Variants in NEK9 observed in about 807,000 individuals in gnomAD.
The protein encoded by NEK9 is serine/threonine-protein kinase Nek9.
In NEK9, 75 loss-of-function variants were observed where a neutral mutation model predicts 123.4. The ratio of observed to expected loss-of-function variants is 0.61; its 90% CI spans 0.50 to 0.74. The LOEUF is 0.74. NEK9 is among the 30% of genes least tolerant of loss of function. NEK9 has a pLI of 0.00. For synonymous variants in NEK9, 438 were observed against 458.7 expected, an observed-to-expected ratio of 0.95 and a Z score of 0.58; for missense variants, 952 against 1,214.4, an observed-to-expected ratio of 0.78 and a Z score of 3.21.
intron 19 of NEK9, among the ~76,000 whole-genome samples, chr14:75,088,887 C>T (rs10142683): frequency 0.027 from 4,145 of 152,186 alleles, 217 homozygotes; most frequent in African/African-American, 0.095. Context: ...CACTCCAACA[C>T]GCTTATTCTA....
chr14:75,099,627 C>T (rs1894497646), intron 16 of NEK9, among the ~76,000 whole-genome samples: 1 of 149,684 alleles, frequency 6.7e-6, no homozygotes, highest in South Asian at 2.1e-4. Flanking sequence ...ACTAAAAATA[C>T]AAAAATTAGC....
rs1894786758 is a variant in NEK9, at chr14:75,106,632, A to G, written c.1398T>C (p.Pro466=). 1.2e-6 allele frequency: 2 copies of G among 1,614,112 alleles called. No individual in the cohort carries two copies. The highest frequency in any genetic ancestry group is 1.7e-6 in the Non-Finnish European group (2 of 1,180,032). The change falls in exon 12 of 22, where the codon CCT becomes CCC. Residue 466 remains proline (P), a synonymous_variant. Transcript: ENST00000238616. The part of the protein sequence containing the change: ...GCMGVDKVAG[P]EVLEPMQLNF... Reference sequence around the variant, plus strand: ...TCAGCTGCATGGGTTCTAGCACTTCAGGGCCAGCAACTTTGTCCACCCCCA... The same window carrying G: ...TCAGCTGCATGGGTTCTAGCACTTCGGGGCCAGCAACTTTGTCCACCCCCA...
intron 10 of NEK9, among the ~76,000 whole-genome samples, chr14:75,108,502 TGTGTGC>T (rs1178382510): frequency 2.6e-5 from 3 of 113,868 alleles, no homozygotes; most frequent in Admixed American, 1.1e-4. Context: ...TATATATATG[TGTGTGC>T]GTGTGCGTGT....
At chr14:75,117,409 T>A in intron 5 of NEK9, 83 bp from the exon 6 acceptor site, 1 of 1,430,150 alleles carries the variant, frequency 7.0e-7, no homozygotes, top group Non-Finnish European at 9.4e-7. Flanking sequence ...TTAAATTTCC[T>A]AGGAACTAGT....
At chr14:75,109,995 T>C (rs994631128) in intron 9 of NEK9, 118 bp from the exon 10 acceptor site, 17 of 1,045,734 alleles carry the variant, frequency 1.6e-5, no homozygotes. Flanking sequence ...AGTATGTTCT[T>C]TCTCGACAAC....
At chr14:75,107,251 T>C in intron 11 of NEK9, 92 bp downstream of exon 11, 1 of 1,355,416 alleles carries the variant, frequency 7.4e-7, no homozygotes, top group Non-Finnish European at 1.0e-6. Context: ...GTATACTGTC[T>C]TTTGTTTTAA....
Position 75,101,058 on chromosome 14 carries a change from G to T in NEK9, c.1936C>A (p.Pro646Thr). The T allele has an allele frequency of 1.2e-6, 2 of 1,614,218 alleles. No individual in the cohort carries two copies. Among genetic ancestry groups the T allele is most frequent in the Non-Finnish European group, 1.7e-6 (2 of 1,180,044 alleles). Residue 646 changes from proline to threonine, a missense_variant, in exon 16 of 22, where the codon CCC becomes ACC. Coordinates refer to ENST00000238616, the MANE Select transcript of NEK9 (RefSeq NM_033116.6). ...KRLGINLLGG[P>T]LGGKQVIRVS... ...CTGATCACTTGCTTCCCACCAAGGG[G>T]TCCCCCCAACAGGTTGATTCCCAGA... is the stretch of plus-strand genomic sequence containing the variant.
chr14:75,085,608 A>G (rs1329565860), intron 21 of NEK9, among the ~76,000 whole-genome samples: 1 of 152,248 alleles, frequency 6.6e-6, no homozygotes, highest in Non-Finnish European at 1.5e-5. Context: ...TTCAGAAAAG[A>G]CAGGGTGACA....
intron 16 of NEK9, 34 bp from the exon 17 acceptor site, chr14:75,097,304 A>G: frequency 6.6e-7 from 1 of 1,519,566 alleles, no homozygotes; most frequent in South Asian, 1.3e-5. Flanking sequence ...ACCATTTAAC[A>G]GAACACTGGC....
chr14:75,113,204 A>G, intron 8 of NEK9, 135 bp downstream of exon 8: 1 of 724,758 alleles, frequency 1.4e-6, no homozygotes, highest in Non-Finnish European at 2.4e-6. Flanking sequence ...AAGCAATAAA[A>G]GCAGGGATGT....
At chr14:75,121,395 G>A (rs987143452) in intron 2 of NEK9, among the ~76,000 whole-genome samples, 4 of 152,082 alleles carry the variant, frequency 2.6e-5, no homozygotes, top group Admixed American at 2.0e-4. Context: ...CACAAGAGGC[G>A]TAATTAAAAA....
intron 9 of NEK9, among the ~76,000 whole-genome samples, 179 bp from the exon 10 acceptor site, chr14:75,110,056 C>T (rs1894910534): frequency 6.6e-6 from 1 of 152,220 alleles, no homozygotes; most frequent in South Asian, 2.1e-4. Context: ...TGCCTCAGGG[C>T]TTCATCACAG....
chr14:75,117,623 A>G (rs1895184843), intron 5 of NEK9, among the ~76,000 whole-genome samples: 1 of 152,222 alleles, frequency 6.6e-6, no homozygotes, highest in Non-Finnish European at 1.5e-5. Context: ...TTCAAGGCCT[A>G]CTGAAGACTT....
rs1894104999 is a variant in NEK9 at position 75,088,618 on chromosome 14, G to A, written c.2466C>T (p.Ile822=). ...LRKELENAEF[I]PMPDSPSPLS... is the part of the protein sequence containing the mutation. ...GAGGAGATGGGCTGTCAGGCATGGG[G>A]ATAAATTCTGCATTTTCCAGCTCCT... The change falls in exon 20 of 22, where the codon ATC becomes ATT. Residue 822 remains isoleucine (I), a synonymous_variant. Transcript: ENST00000238616. The A allele has an allele frequency of 1.2e-6, 2 of 1,613,892 alleles. No homozygotes were observed. Among genetic ancestry groups the A allele is most frequent in the South Asian group, 2.2e-5 (2 of 91,046 alleles).
Position 75,088,559 on chromosome 14 carries a change from G to A in NEK9, c.2525C>T (p.Thr842Ile), listed in dbSNP as rs1204869574. Reference sequence around the variant, plus strand: ...TCCTTGCAGCTCTTCATAGGGCAGGGTATCTTTCTCAGATTCTGAAAACGC... The same window carrying A: ...TCCTTGCAGCTCTTCATAGGGCAGGATATCTTTCTCAGATTCTGAAAACGC... ...SAAFSESEKD[T>I]LPYEELQGLK... The change falls in exon 20 of 22, where the codon ACC (threonine) becomes ATC (isoleucine). Residue 842 changes from threonine to isoleucine, a missense_variant. Thr to Ile is a moderately conservative substitution (Grantham distance 89, BLOSUM62 -1). Around this residue, in one of 4 missense-constraint regions of NEK9, gnomAD observed 698 missense variants for 875.6 expected, o/e 0.80. Transcript: ENST00000238616. The A allele has an allele frequency of 5.0e-6, 8 of 1,613,890 alleles. No homozygotes were observed. The highest frequency in any genetic ancestry group is 1.6e-4 in the Middle Eastern group (1 of 6,074).
At chr14:75,106,104 C>T (rs1364427533) in intron 12 of NEK9, 108 bp from the exon 13 acceptor site, 57 of 989,692 alleles carry the variant, frequency 5.8e-5, no homozygotes, top group Non-Finnish European at 3.7e-5. Flanking sequence ...ACCTGTAATC[C>T]CAGCACTTTG....
chr14:75,093,851 T>C (rs566007224), intron 18 of NEK9, among the ~76,000 whole-genome samples: 19 of 152,216 alleles, frequency 1.2e-4, no homozygotes, highest in Non-Finnish European at 1.8e-4. Context: ...GATGTTCACT[T>C]TCACTCCAAT....
chr14:75,100,525 TGA>T (rs2139749815), intron 16 of NEK9, among the ~76,000 whole-genome samples: 1 of 152,282 alleles, frequency 6.6e-6, no homozygotes, highest in Non-Finnish European at 1.5e-5. Context: ...CTCAGAAATC[TGA>T]GAGATACATA....
chr14:75,118,784 C>T (rs1456555258), intron 5 of NEK9, 46 bp downstream of exon 5: 10 of 1,070,072 alleles, frequency 9.3e-6, no homozygotes, highest in Non-Finnish European at 1.4e-5. Context: ...TTATATTTCA[C>T]AGTGCTAGAA....
Sources: gnomAD v4.1 joint callset for allele counts (sites outside exome capture counted in the v4.1 genomes callset) on GRCh38, gnomAD v4.1.1 for gene constraint, gnomAD v4.1.1 regional missense constraint, MANE v1.5 for transcripts, NCBI Gene and HGNC (gene_info 2026-07-23, HGNC 2026-07-21) for gene names.